DLX1: variants seen among roughly 807,000 people sequenced by gnomAD.
DLX1 encodes the protein distal-less homeobox 1.
A neutral mutation model predicts 25.0 loss-of-function variants in DLX1; 7 were observed. The ratio of observed to expected loss-of-function variants is 0.28; its 90% CI spans 0.16 to 0.52. DLX1 has a LOEUF of 0.52. DLX1 is among the 20% of genes least tolerant of loss of function. The pLI, the probability that DLX1 is intolerant of heterozygous loss-of-function variation, is 0.96. For missense variants in DLX1, 233 were observed against 334.4 expected, an observed-to-expected ratio of 0.70 and a Z score of 2.37; for synonymous variants, 155 against 140.3, an observed-to-expected ratio of 1.10 and a Z score of -0.74.
chr2:172,088,969 C>A lies in DLX1; in HGVS notation c.*712C>A, dbSNP rs1467203508. The A allele has an allele frequency of 6.6e-6, 1 of 152,114 alleles. No individual in the cohort carries two copies. The highest frequency in any genetic ancestry group is 2.4e-5 in the African/African-American group (1 of 41,398). 9.4% of individuals were successfully genotyped at this position (152,114 alleles called of 1,614,324 possible). A position where few individuals can be genotyped will look rare whatever the true frequency, so the allele number is the denominator to read the frequency against. Reference sequence around the variant, plus strand: ...CACGGGGAGAAACGAATAAGGAGGACGTGGTGATTTTTAATTTATACAGTA... The same window carrying A: ...CACGGGGAGAAACGAATAAGGAGGAAGTGGTGATTTTTAATTTATACAGTA... On this transcript the variant is annotated 3_prime_UTR_variant, in exon 3 of 3. Transcript: ENST00000361725.
chr2:172,085,755 C>A lies in DLX1; in HGVS notation c.78C>A (p.Pro26=), dbSNP rs766599199. 2.5e-6 allele frequency: 4 copies of A among 1,614,198 alleles called. No homozygotes were observed. The highest frequency in any genetic ancestry group is 3.4e-6 in the Non-Finnish European group (4 of 1,180,052). ...CGGTGTTTATGGAGTTTGGGCCGCC[C>A]AACCAGCAAATGTCTCCTTCTCCCA... is the stretch of plus-strand genomic sequence containing the variant. ...GKAVFMEFGP[P]NQQMSPSPMS... The change falls in exon 1 of 3, where the codon CCC becomes CCA. Residue 26 remains proline, a synonymous_variant. Coordinates refer to ENST00000361725, the MANE Select transcript of DLX1 (RefSeq NM_178120.5). The surrounding 1 kb of genome is among the most constrained non-coding windows in gnomAD (Gnocchi z 4.3).
chr2:172,088,419 T>C lies in DLX1; in HGVS notation c.*162T>C, dbSNP rs1444218606. The C allele has an allele frequency of 5.4e-6, 5 of 924,060 alleles. No individual in the cohort carries two copies. In the African/African-American group the frequency reaches 8.7e-5, roughly 16 times the overall value. 57.2% of individuals were successfully genotyped at this position (924,060 alleles called of 1,614,324 possible). On this transcript the variant is annotated 3_prime_UTR_variant, in exon 3 of 3. Coordinates refer to ENST00000361725, the MANE Select transcript of DLX1 (RefSeq NM_178120.5). Reference sequence around the variant, plus strand: ...CCCCGCGAGGTCCGGCCCAGCAACTTCCCGGCATCCGCGCTCTAGCCTGAA... The same window carrying C: ...CCCCGCGAGGTCCGGCCCAGCAACTCCCCGGCATCCGCGCTCTAGCCTGAA...
chr2:172,088,138 A>T lies in DLX1; in HGVS notation c.649A>T (p.Asn217Tyr). 5 of 1,610,138 alleles carry T rather than the reference A, an allele frequency of 3.1e-6. No individual in the cohort carries two copies. The highest frequency in any genetic ancestry group is 4.2e-6 in the Non-Finnish European group (5 of 1,178,014). The change falls in exon 3 of 3, where the codon AAC becomes TAC. Residue 217 changes from asparagine (N) to tyrosine (Y), a missense_variant. Asn to Tyr is a moderately radical substitution (Grantham distance 143). Coordinates refer to ENST00000361725, the MANE Select transcript of DLX1 (RefSeq NM_178120.5). ...CTCCCCACCCGTGCCGCCCGGCTGGAACCCTAACTCTTCATCCGGGAAGGG... is the reference window on the plus strand; with the variant it reads ...CTCCCCACCCGTGCCGCCCGGCTGGTACCCTAACTCTTCATCCGGGAAGGG... The part of the protein sequence containing the change: ...AGSPPVPPGW[N>Y]PNSSSGKGSG...
At position 172,088,312 on chromosome 2, in the gene DLX1, G is replaced by A; in HGVS notation, c.*55G>A. 7.0e-7 allele frequency: 1 copy of A among 1,418,698 alleles called. No homozygotes were observed. 87.9% of individuals were successfully genotyped at this position (1,418,698 alleles called of 1,614,324 possible). ...CCGGCCCAGGTCCCTCCCGCCTCCA[G>A]GTCCATCCATCCCGTCCGGAAAAGA... On this transcript the variant is annotated 3_prime_UTR_variant, in exon 3 of 3. Coordinates refer to ENST00000361725, the MANE Select transcript of DLX1 (RefSeq NM_178120.5).
intron 2 of DLX1, 68 bp downstream of exon 2, chr2:172,086,921 AT>A: frequency 3.3e-6 from 5 of 1,529,252 alleles, no homozygotes; most frequent in Non-Finnish European, 4.5e-6. Flanking sequence ...CCGGGTCTTC[AT>A]TTGTTGCTCG....
Position 172,086,404 on chromosome 2 carries a change from G to A in DLX1, c.314-250G>A. The A allele has an allele frequency of 3.3e-5, 16 of 483,206 alleles. No individual in the cohort carries two copies. In the South Asian group the frequency reaches 5.8e-4, roughly 17 times the overall value. 29.9% of individuals were successfully genotyped at this position (483,206 alleles called of 1,614,324 possible). Reference sequence around the variant, plus strand: ...TAAGGGTAATTAAACCTCAACTACCGCCTGCAAAAATAGCAAACTTTCCCT... The same window carrying A: ...TAAGGGTAATTAAACCTCAACTACCACCTGCAAAAATAGCAAACTTTCCCT... On this transcript the variant is annotated intron_variant, in intron 1 of 2. Transcript: ENST00000361725.
chr2:172,086,071 G>A, intron 1 of DLX1, 81 bp downstream of exon 1: 3 of 1,052,334 alleles, frequency 2.9e-6, no homozygotes, highest in South Asian at 3.1e-5. Context: ...AAGAGGAGAG[G>A]GAGAGAGAGA....
rs1284481950 is a variant in DLX1 at position 172,085,924 on chromosome 2, T to C, written c.247T>C (p.Tyr83His). The change falls in exon 1 of 3, where the codon TAC becomes CAC. Residue 83 changes from tyrosine to histidine, a missense_variant. By Grantham distance (83) the Tyr-to-His change is moderately conservative. Transcript: ENST00000361725. The surrounding 1 kb of genome is among the most constrained non-coding windows in gnomAD (Gnocchi z 4.3). ...GGTCAGCAGCCACGCATCCAGCCCC[T>C]ACATCAGTTCGGTGCAGTCCTACCC... Reference protein sequence around the residue: ...NSVSSHASSPYISSVQSYPGS... With the variant: ...NSVSSHASSPHISSVQSYPGS... 2.5e-6 allele frequency: 4 copies of C among 1,614,084 alleles called. No individual in the cohort carries two copies. The highest frequency in any genetic ancestry group is 3.4e-6 in the Non-Finnish European group (4 of 1,180,010).
chr2:172,086,951 G>C (rs920296739), intron 2 of DLX1, 98 bp downstream of exon 2: 1 of 1,206,540 alleles, frequency 8.3e-7, no homozygotes, highest in African/African-American at 1.5e-5. Context: ...CAGGGTCGGG[G>C]TGTCACTGTG....
At chr2:172,086,052 G>A (rs1690832583) in intron 1 of DLX1, 62 bp downstream of exon 1, 3 of 1,499,398 alleles carry the variant, frequency 2.0e-6, no homozygotes, top group Non-Finnish European at 2.7e-6. Context: ...GAAAGAAGGA[G>A]CGGGGGAGAA....
intron 2 of DLX1, 84 bp from the exon 3 acceptor site, chr2:172,087,919 G>A (rs1439158210): frequency 3.6e-5 from 54 of 1,501,256 alleles, no homozygotes; most frequent in Non-Finnish European, 4.6e-5. Context: ...TATCTCTGCT[G>A]TTCTGCGGTC....
intron 2 of DLX1, 120 bp from the exon 3 acceptor site, chr2:172,087,883 C>A: frequency 7.2e-7 from 1 of 1,383,728 alleles, no homozygotes. Flanking sequence ...CAGGGAGCTG[C>A]CAGCTGGCGC....
Position 172,088,573 on chromosome 2 carries a change from T to C in DLX1, c.*316T>C, listed in dbSNP as rs1574157101. 1 of 332,882 alleles carries C rather than the reference T, an allele frequency of 3.0e-6. No individual in the cohort carries two copies. The allele number at this position is 332,882 out of a possible 1,614,324, so 20.6% of individuals were successfully genotyped here. Reference sequence around the variant, plus strand: ...GCCGACCTTCAGCTTTGTGGGACTATCAGGAAAAAACAAAACAAAAACAAA... The same window carrying C: ...GCCGACCTTCAGCTTTGTGGGACTACCAGGAAAAAACAAAACAAAAACAAA... On this transcript the variant is annotated 3_prime_UTR_variant, in exon 3 of 3. Transcript: ENST00000361725.
rs1690920253 is a variant in DLX1, at chr2:172,089,018, AG to A, written c.*762del. On this transcript the variant is annotated 3_prime_UTR_variant, in exon 3 of 3. Transcript: ENST00000361725. ...TAACTTTTGTACTTCTCTGGTATGG[AG>A]AGTTTGGAGCCGAATGATTTGCATT... 1 of 152,210 alleles carries A rather than the reference AG, an allele frequency of 6.6e-6. No individual in the cohort carries two copies. The highest frequency in any genetic ancestry group is 1.9e-4 in the East Asian group (1 of 5,206). The allele number at this position is 152,210 out of a possible 1,614,324, so 9.4% of individuals were successfully genotyped here. A position where few individuals can be genotyped will look rare whatever the true frequency, so the allele number is the denominator to read the frequency against.
At position 172,089,268 on chromosome 2, in the gene DLX1, G is replaced by A. The variant is rs1002228657; in HGVS notation, c.*1011G>A. The stretch of plus-strand genomic sequence containing the variant: ...CTAATTCCAGTGGGCTTTAAAATAA[G>A]ACAAAATCAGCTTTACAACAATCCC... On this transcript the variant is annotated 3_prime_UTR_variant, in exon 3 of 3. Transcript: ENST00000361725. The A allele has an allele frequency of 6.6e-6, 1 of 152,118 alleles. No individual in the cohort carries two copies. Among genetic ancestry groups the A allele is most frequent in the African/African-American group, 2.4e-5 (1 of 41,400 alleles). 9.4% of individuals were successfully genotyped at this position (152,118 alleles called of 1,614,324 possible).
intron 2 of DLX1, 61 bp from the exon 3 acceptor site, chr2:172,087,942 C>T: frequency 6.6e-7 from 1 of 1,504,616 alleles, no homozygotes; most frequent in Non-Finnish European, 8.9e-7. Flanking sequence ...TTTTTTCCTC[C>T]CTGTGACCTA....
At chr2:172,086,183 A>G (rs188223977) in intron 1 of DLX1, 193 bp downstream of exon 1, 3 of 609,600 alleles carry the variant, frequency 4.9e-6, no homozygotes, top group Admixed American at 6.5e-5. Flanking sequence ...CAGCAAATAA[A>G]TTTTTTTAAA....
intron 1 of DLX1, 91 bp from the exon 2 acceptor site, chr2:172,086,563 G>T (rs1690842449): frequency 7.7e-7 from 1 of 1,290,390 alleles, no homozygotes; most frequent in Non-Finnish European, 1.1e-6. Context: ...TGCTGCCTCC[G>T]CCACCCTTCG....
intron 2 of DLX1, 33 bp downstream of exon 2, chr2:172,086,886 C>T (rs987212668): frequency 1.2e-6 from 2 of 1,612,402 alleles, no homozygotes; most frequent in African/African-American, 1.3e-5. Context: ...TTCTGCCACG[C>T]AGGCTTTCCG....
Sources: allele counts gnomAD v4.1 joint callset, GRCh38; gene constraint gnomAD v4.1.1; non-coding constraint Gnocchi (gnomAD v3.1); transcripts MANE v1.5; gene names NCBI Gene and HGNC (gene_info 2026-07-23, HGNC 2026-07-21).